Variants in FNBP1L observed in about 807,000 individuals in gnomAD.
FNBP1L encodes formin binding protein 1 like.
FNBP1L carries 36 observed loss-of-function variants against 91.2 expected under a neutral mutation model. The ratio of observed to expected loss-of-function variants is 0.39; its 90% confidence interval spans 0.30 to 0.52. FNBP1L has a LOEUF of 0.52. Ranked by LOEUF, FNBP1L falls within the 20% of genes least tolerant of loss-of-function variation. FNBP1L has a pLI of 0.66. For synonymous variants in FNBP1L, 242 were observed against 237.0 expected, an observed-to-expected ratio of 1.02 and a Z score of -0.19; for missense variants, 571 against 732.1, an observed-to-expected ratio of 0.78 and a Z score of 2.54.
rs1348757427 is a variant in FNBP1L, at chr1:93,524,287, A to G, written c.369A>G (p.Gln123=). The change falls in exon 5 of 17, where the codon CAA becomes CAG. Residue 123 remains glutamine (Q), a synonymous_variant. Coordinates refer to ENST00000271234, the MANE Select transcript of FNBP1L (RefSeq NM_001164473.3). ...KMHLQEGRKA[Q]QYLDMCWKQM... ...ATCTGCAAGAAGGACGAAAAGCTCA[A>G]CAATATCTTGACATGTGCTGGAAAC... The G allele has an allele frequency of 2.6e-6, 4 of 1,512,646 alleles. No individual in the cohort carries two copies. In the South Asian group the frequency reaches 4.0e-5, roughly 15 times the overall value. 93.7% of individuals were successfully genotyped at this position (1,512,646 alleles called of 1,614,324 possible).
intron 1 of FNBP1L, among the ~76,000 whole-genome samples, chr1:93,459,265 CAAAA>C (rs1668779199): frequency 6.6e-6 from 1 of 152,046 alleles, no homozygotes; most frequent in African/African-American, 2.4e-5. Flanking sequence ...CTCTGTCTCA[CAAAA>C]GAAAGAACAG....
At chr1:93,470,960 T>C (rs1043970323) in intron 1 of FNBP1L, among the ~76,000 whole-genome samples, 3 of 152,142 alleles carry the variant, frequency 2.0e-5, no homozygotes, top group African/African-American at 7.2e-5. Context: ...AGAATTCGAT[T>C]AGTTTCTATA....
chr1:93,450,042 A>C (rs998345418), intron 1 of FNBP1L, among the ~76,000 whole-genome samples: 3 of 152,218 alleles, frequency 2.0e-5, no homozygotes, highest in African/African-American at 7.2e-5. Flanking sequence ...TAAACATAGG[A>C]AAACAGTGGA....
At chr1:93,544,461 T>A (rs752394704) in intron 12 of FNBP1L, among the ~76,000 whole-genome samples, 1 of 152,146 alleles carries the variant, frequency 6.6e-6, no homozygotes, top group Non-Finnish European at 1.5e-5. Flanking sequence ...AATTTCTTGA[T>A]ATTTTATTAT....
chr1:93,534,409 T>C (rs1165176005), intron 8 of FNBP1L, among the ~76,000 whole-genome samples: 1 of 152,142 alleles, frequency 6.6e-6, no homozygotes, highest in Non-Finnish European at 1.5e-5. Flanking sequence ...AGTTAGGTCT[T>C]TTTCAGCTAA....
At chr1:93,549,175 A>ATAT in intron 14 of FNBP1L, 103 bp from the exon 15 acceptor site, 1 of 827,252 alleles carries the variant, frequency 1.2e-6, no homozygotes, top group African/African-American at 1.8e-5. Flanking sequence ...TGTGTCATTA[A>ATAT]TATTTAATTT....
intron 11 of FNBP1L, 102 bp from the exon 12 acceptor site, chr1:93,544,005 T>C: frequency 1.3e-6 from 1 of 796,164 alleles, no homozygotes; most frequent in Non-Finnish European, 1.8e-6. Context: ...AAATTTGAAA[T>C]TAAACTTAAG....
At chr1:93,521,323 G>A (rs1356079027) in intron 2 of FNBP1L, among the ~76,000 whole-genome samples, 1 of 152,110 alleles carries the variant, frequency 6.6e-6, no homozygotes, top group East Asian at 1.9e-4. Flanking sequence ...TTATGGAGAT[G>A]GTGACAAACT....
At position 93,479,939 on chromosome 1, in the gene FNBP1L, G is replaced by A. The variant is rs1669635872; in HGVS notation, c.25-19529G>A. Among the ~76,000 whole-genome samples, 3 of 152,156 alleles carry A rather than the reference G, an allele frequency of 2.0e-5. No individual in the cohort carries two copies. The South Asian group carries it at 6.2e-4, about 32-fold the overall frequency. ...GGTTTAAGAGATTAAAGTAAGACAG[G>A]CATAAGAAATTATAAGAGTATTATT... On this transcript the variant is annotated intron_variant, in intron 1 of 16. Coordinates refer to ENST00000271234, the MANE Select transcript of FNBP1L (RefSeq NM_001164473.3).
At position 93,448,295 on chromosome 1, in the gene FNBP1L, C is replaced by T; in HGVS notation, c.14C>T (p.Thr5Met). The change falls in exon 1 of 17, where the codon ACG (threonine) becomes ATG (methionine). Residue 5 changes from threonine to methionine, a missense_variant. This residue lies in a region of FNBP1L where 220 missense variants were observed against 313.6 expected (regional missense o/e 0.70). Coordinates refer to ENST00000271234, the MANE Select transcript of FNBP1L (RefSeq NM_001164473.3). MSWGTELWDQFDSLD... is the reference protein window; with the variant it reads MSWGMELWDQFDSLD... Reference sequence around the variant, plus strand: ...GAAAGTTCCGCCATGAGCTGGGGCACGGAGCTGTGGGTGAGTCGGGGAGAG... The same window carrying T: ...GAAAGTTCCGCCATGAGCTGGGGCATGGAGCTGTGGGTGAGTCGGGGAGAG... 6.6e-7 allele frequency: 1 copy of T among 1,517,400 alleles called. No individual in the cohort carries two copies. Among genetic ancestry groups the T allele is most frequent in the Non-Finnish European group, 8.8e-7 (1 of 1,132,512 alleles). 94.0% of individuals were successfully genotyped at this position (1,517,400 alleles called of 1,614,324 possible).
At chr1:93,536,068 T>C (rs1671837909) in intron 9 of FNBP1L, among the ~76,000 whole-genome samples, 2 of 152,090 alleles carry the variant, frequency 1.3e-5, no homozygotes, top group Admixed American at 6.6e-5. Context: ...TTGCTTTCTT[T>C]GACAATATAA....
intron 4 of FNBP1L, 132 bp from the exon 5 acceptor site, chr1:93,524,129 T>G: frequency 1.6e-6 from 1 of 641,652 alleles, no homozygotes; most frequent in Non-Finnish European, 2.4e-6. Context: ...GTTATATAAT[T>G]AGTACCTTGA....
chr1:93,551,600 G>T, intron 16 of FNBP1L: 1 of 985,212 alleles, frequency 1.0e-6, no homozygotes, highest in South Asian at 4.7e-5. Flanking sequence ...AAAAATAGTA[G>T]TTGGATAATT....
chr1:93,449,299 A>C (rs1364968248), intron 1 of FNBP1L, among the ~76,000 whole-genome samples: 1 of 151,686 alleles, frequency 6.6e-6, no homozygotes, highest in Non-Finnish European at 1.5e-5. Flanking sequence ...GTGATTTCTC[A>C]GGTGCGGCCG....
chr1:93,520,478 G>A (rs1359544131), intron 2 of FNBP1L, among the ~76,000 whole-genome samples: 1 of 152,136 alleles, frequency 6.6e-6, no homozygotes, highest in Non-Finnish European at 1.5e-5. Context: ...TGACATAAAA[G>A]AGACATAGAA....
intron 10 of FNBP1L, 87 bp downstream of exon 10, chr1:93,536,577 C>T: frequency 8.1e-7 from 1 of 1,228,000 alleles, no homozygotes. Context: ...TTATAAGGCT[C>T]TCTCCTATAA....
chr1:93,490,797 C>T (rs1378777817), intron 1 of FNBP1L, among the ~76,000 whole-genome samples: 2 of 152,084 alleles, frequency 1.3e-5, no homozygotes, highest in African/African-American at 4.8e-5. Context: ...TGATCTTTTC[C>T]CTTGACCTTT....
chr1:93,524,581 C>CTTTTT (rs34173735), intron 5 of FNBP1L, among the ~76,000 whole-genome samples: 203 of 112,992 alleles, frequency 1.8e-3, no homozygotes, highest in East Asian at 2.3e-3. Flanking sequence ...TAAGGAGATT[C>CTTTTT]TTTTTTTTTT....
At chr1:93,459,278 A>G (rs941544828) in intron 1 of FNBP1L, among the ~76,000 whole-genome samples, 1 of 152,346 alleles carries the variant, frequency 6.6e-6, no homozygotes, top group East Asian at 1.9e-4. Context: ...AAGAAAGAAC[A>G]GAATGTATCC....
Sources: gnomAD v4.1 joint callset for allele counts (sites outside exome capture counted in the v4.1 genomes callset) on GRCh38, gnomAD v4.1.1 for gene constraint, gnomAD v4.1.1 regional missense constraint, MANE v1.5 for transcripts, NCBI Gene and HGNC (gene_info 2026-07-23, HGNC 2026-07-21) for gene names.